Variants in DNAL1 observed in about 807,000 individuals in gnomAD.
The protein encoded by DNAL1 is chromosome 14 open reading frame 168.
Under a neutral mutation model 29.4 loss-of-function variants are expected in DNAL1, and 17 were observed. The observed-to-expected ratio is 0.58, with a 90% CI of 0.40 to 0.87. The LOEUF (loss-of-function observed/expected upper bound fraction) is 0.87. Ranked by LOEUF, DNAL1 falls within the 40% of genes least tolerant of loss-of-function variation. The pLI is 0.00. For missense variants in DNAL1, 188 were observed against 214.1 expected, an observed-to-expected ratio of 0.88 and a Z score of 0.76; for synonymous variants, 78 against 76.3, an observed-to-expected ratio of 1.02 and a Z score of -0.12.
intron 7 of DNAL1, among the ~76,000 whole-genome samples, chr14:73,693,341 G>C (rs1258097747): frequency 6.6e-6 from 1 of 152,034 alleles, no homozygotes; most frequent in African/African-American, 2.4e-5. Context: ...CAAAGAAAAG[G>C]GTGTGAATGT....
At chr14:73,671,449 A>G in intron 4 of DNAL1, 93 bp from the exon 5 acceptor site, 1 of 1,223,994 alleles carries the variant, frequency 8.2e-7, no homozygotes, top group Non-Finnish European at 1.1e-6. Flanking sequence ...GATATCTATT[A>G]TATAAAACTT....
intron 7 of DNAL1, among the ~76,000 whole-genome samples, chr14:73,692,127 T>A (rs2140063380): frequency 6.6e-6 from 1 of 151,680 alleles, no homozygotes; most frequent in South Asian, 2.1e-4. Flanking sequence ...CCTCCTGATT[T>A]CAAATCATTT....
At chr14:73,655,881 T>C (rs191253053) in intron 2 of DNAL1, among the ~76,000 whole-genome samples, 20 of 152,326 alleles carry the variant, frequency 1.3e-4, no homozygotes, top group African/African-American at 4.6e-4. Context: ...ATGCATTATA[T>C]ATAAATTATA....
intron 5 of DNAL1, among the ~76,000 whole-genome samples, chr14:73,682,202 GCT>G: frequency 7.5e-6 from 1 of 134,094 alleles, no homozygotes; most frequent in South Asian, 2.3e-4. Flanking sequence ...ATGGAGTCTC[GCT>G]CTGTTGCCCA....
chr14:73,675,251 G>C (rs1891704786), intron 5 of DNAL1, among the ~76,000 whole-genome samples: 1 of 151,074 alleles, frequency 6.6e-6, no homozygotes, highest in Non-Finnish European at 1.5e-5. Context: ...TGACCATTCA[G>C]TTTTGATTTT....
intron 4 of DNAL1, among the ~76,000 whole-genome samples, chr14:73,670,958 G>A (rs1276147737): frequency 6.6e-6 from 1 of 151,660 alleles, no homozygotes. Context: ...GGATGGTCTC[G>A]ATCTCCTGAC....
At chr14:73,670,770 T>C (rs1410060557) in intron 4 of DNAL1, among the ~76,000 whole-genome samples, 1 of 151,984 alleles carries the variant, frequency 6.6e-6, no homozygotes, top group Non-Finnish European at 1.5e-5. Context: ...GGATTCTCGC[T>C]CTGTCGCCCA....
intron 6 of DNAL1, among the ~76,000 whole-genome samples, chr14:73,688,351 G>A (rs1892072698): frequency 6.6e-6 from 1 of 152,088 alleles, no homozygotes; most frequent in South Asian, 2.1e-4. Context: ...GGCTCTTGCT[G>A]GTAATCCCAA....
chr14:73,663,857 CT>C (rs1393014207), intron 4 of DNAL1, among the ~76,000 whole-genome samples: 1 of 152,206 alleles, frequency 6.6e-6, no homozygotes, highest in Non-Finnish European at 1.5e-5. Context: ...AGAAACTCCT[CT>C]CACCTCTGTA....
intron 1 of DNAL1, among the ~76,000 whole-genome samples, chr14:73,650,926 G>A (rs1310301239): frequency 6.6e-6 from 1 of 152,168 alleles, no homozygotes; most frequent in Non-Finnish European, 1.5e-5. Context: ...ACAGGCATGT[G>A]TCACCAAACC....
At chr14:73,685,601 AG>A (rs913206453) in intron 5 of DNAL1, among the ~76,000 whole-genome samples, 26 of 152,004 alleles carry the variant, frequency 1.7e-4, no homozygotes, top group South Asian at 4.2e-4. Context: ...CTGGGACTAC[AG>A]GCATGTGCCA....
At position 73,699,972 on chromosome 14, in the gene DNAL1, TC is replaced by T. The variant is rs1305707682; in HGVS notation, c.*4031del. 1 of 152,246 alleles carries T rather than the reference TC, an allele frequency of 6.6e-6. No individual in the cohort carries two copies. Among genetic ancestry groups the T allele is most frequent in the Non-Finnish European group, 1.5e-5 (1 of 68,044 alleles). 9.4% of individuals were successfully genotyped at this position (152,246 alleles called of 1,614,324 possible). A position where few individuals can be genotyped will look rare whatever the true frequency, so the allele number is the denominator to read the frequency against. On this transcript the variant is annotated 3_prime_UTR_variant, in exon 8 of 8. Coordinates refer to ENST00000553645, the MANE Select transcript of DNAL1 (RefSeq NM_031427.4). ...ATGTAGACATCAATTTTGGATGTGATCAGAAGAATGTCTGCTTAAGATAACT... is the reference window on the plus strand; with the variant it reads ...ATGTAGACATCAATTTTGGATGTGATAGAAGAATGTCTGCTTAAGATAACT...
At chr14:73,677,764 A>C (rs1201382892) in intron 5 of DNAL1, among the ~76,000 whole-genome samples, 3 of 150,668 alleles carry the variant, frequency 2.0e-5, no homozygotes, top group African/African-American at 7.3e-5. Flanking sequence ...TCACCGTGTT[A>C]GCCAGGATGG....
intron 3 of DNAL1, among the ~76,000 whole-genome samples, chr14:73,661,155 C>G (rs1891333919): frequency 1.3e-5 from 2 of 149,898 alleles, no homozygotes; most frequent in Non-Finnish European, 2.9e-5. Flanking sequence ...CAGAGCGAGA[C>G]TCTGTCTAAA....
intron 7 of DNAL1, among the ~76,000 whole-genome samples, chr14:73,693,581 A>G (rs560285589): frequency 2.0e-5 from 3 of 152,150 alleles, no homozygotes; most frequent in African/African-American, 4.8e-5. Flanking sequence ...GGTACATACT[A>G]TATCATTCCT....
At chr14:73,695,484 A>C (rs949840878) in intron 7 of DNAL1, among the ~76,000 whole-genome samples, 2 of 152,072 alleles carry the variant, frequency 1.3e-5, no homozygotes, top group African/African-American at 4.8e-5. Flanking sequence ...TTATTTTGTG[A>C]AATTATTTTT....
intron 7 of DNAL1, among the ~76,000 whole-genome samples, chr14:73,694,289 A>AATAAAT (rs1320016357): frequency 1.8e-4 from 27 of 149,862 alleles, no homozygotes; most frequent in African/African-American, 6.4e-4. Flanking sequence ...TAAATAAATA[A>AATAAAT]AGTCTTCAGA....
At chr14:73,691,856 C>G (rs2336138) in intron 7 of DNAL1, among the ~76,000 whole-genome samples, 15,706 of 147,506 alleles carry the variant, frequency 0.11, 1,073 homozygotes, top group Middle Eastern at 0.19. Context: ...ACCCCCCCCC[C>G]CCAGCTAATT....
intron 5 of DNAL1, among the ~76,000 whole-genome samples, chr14:73,678,257 A>G (rs947041533): frequency 6.6e-6 from 1 of 151,970 alleles, no homozygotes; most frequent in Admixed American, 6.6e-5. Flanking sequence ...GACCAAACAC[A>G]TTTTTAACCT....
Sources: gnomAD v4.1 joint callset for allele counts (sites outside exome capture counted in the v4.1 genomes callset) on GRCh38, gnomAD v4.1.1 for gene constraint, MANE v1.5 for transcripts, NCBI Gene and HGNC (gene_info 2026-07-23, HGNC 2026-07-21) for gene names.